CACNA1D: variants seen among roughly 807,000 people sequenced by gnomAD.
CACNA1D encodes voltage-dependent L-type calcium channel subunit alpha-1D.
Under a neutral mutation model 257.1 loss-of-function variants are expected in CACNA1D, and 55 were observed. The ratio of observed to expected loss-of-function variants is 0.21; its 90% CI spans 0.17 to 0.27. CACNA1D has a LOEUF of 0.27. CACNA1D is among the 10% of genes least tolerant of loss of function. The pLI is 1.00. For synonymous variants in CACNA1D, 980 were observed against 1,014.9 expected (o/e 0.97, Z 0.65); for missense variants, 1,876 against 2,784.0 (o/e 0.67, Z 7.34).
chr3:53,740,322 G>A lies in CACNA1D; in HGVS notation c.2794G>A (p.Val932Ile), dbSNP rs1189214495. ...CTATGCCTTCACAGCCATCTTTACT[G>A]TTGAGATCCTGTTGAAGGTAATGAA... The part of the protein sequence containing the change: ...FDYAFTAIFT[V>I]EILLKMTTFG... Residue 932 changes from valine (V) to isoleucine (I), a missense_variant, in exon 21 of 48, where the codon GTT becomes ATT. Physicochemically the swap from Val to Ile is conservative, Grantham distance 29. Transcript: ENST00000350061. 1 of 1,610,976 alleles carries A rather than the reference G, an allele frequency of 6.2e-7. No homozygotes were observed. Among genetic ancestry groups the A allele is most frequent in the South Asian group, 1.1e-5 (1 of 91,016 alleles).
chr3:53,584,810 G>T (rs1250652478), intron 3 of CACNA1D, among the ~76,000 whole-genome samples: 2 of 149,908 alleles, frequency 1.3e-5, no homozygotes, highest in Non-Finnish European at 3.0e-5. Flanking sequence ...TGTCTGCAGG[G>T]CACACCAGCC....
rs139690709 is a variant in CACNA1D at position 53,690,954 on chromosome 3, C to T, written c.1221-11687C>T. Reference sequence around the variant, plus strand: ...AGCCAGACTTCATGTGCACATCTTCCTTATTTTTTCTTGAAAAACTGGAAT... The same window carrying T: ...AGCCAGACTTCATGTGCACATCTTCTTTATTTTTTCTTGAAAAACTGGAAT... On this transcript the variant is annotated intron_variant, in intron 8 of 47. Coordinates refer to ENST00000350061, the MANE Select transcript of CACNA1D (RefSeq NM_001128840.3). Among the ~76,000 whole-genome samples, 717 of 152,252 alleles carry T rather than the reference C, an allele frequency of 4.7e-3. 8 individuals carry two copies. Among genetic ancestry groups the T allele is most frequent in the African/African-American group, 0.017 (693 of 41,554 alleles).
At chr3:53,635,083 T>C (rs1332085645) in intron 3 of CACNA1D, among the ~76,000 whole-genome samples, 1 of 152,216 alleles carries the variant, frequency 6.6e-6, no homozygotes, top group African/African-American at 2.4e-5. Context: ...TTCTCCTATA[T>C]TGAGCACCTT....
chr3:53,700,874 T>TTTTTTA (rs1341401571), intron 8 of CACNA1D, among the ~76,000 whole-genome samples: 1 of 151,834 alleles, frequency 6.6e-6, no homozygotes, highest in Non-Finnish European at 1.5e-5. Flanking sequence ...TCTTTCTTTC[T>TTTTTTA]TTTTTATTTT....
intron 3 of CACNA1D, among the ~76,000 whole-genome samples, chr3:53,566,487 C>T (rs2092839656): frequency 6.6e-6 from 1 of 152,174 alleles, no homozygotes; most frequent in South Asian, 2.1e-4. Context: ...TCATCTCTGC[C>T]AGCCCTCCCT....
intron 43 of CACNA1D, among the ~76,000 whole-genome samples, chr3:53,803,037 AGCTGG>A (rs1472927805): frequency 6.6e-6 from 1 of 152,070 alleles, no homozygotes; most frequent in Non-Finnish European, 1.5e-5. Flanking sequence ...ACTGGGCTGG[AGCTGG>A]GGGACTAGAA....
At chr3:53,532,505 G>T (rs989563093) in intron 3 of CACNA1D, among the ~76,000 whole-genome samples, 1 of 152,192 alleles carries the variant, frequency 6.6e-6, no homozygotes, top group African/African-American at 2.4e-5. Flanking sequence ...TACCAAGTGG[G>T]CACTTCACAA....
chr3:53,562,302 T>TA (rs370711088), intron 3 of CACNA1D, among the ~76,000 whole-genome samples: 40 of 152,286 alleles, frequency 2.6e-4, no homozygotes, highest in African/African-American at 9.6e-4. Flanking sequence ...CTGTGCTGAG[T>TA]AAAATAGTAG....
At position 53,591,209 on chromosome 3, in the gene CACNA1D, A is replaced by G. The variant is rs118141651; in HGVS notation, c.484-59570A>G. The stretch of plus-strand genomic sequence containing the variant: ...TACTCTAATTCTTTCCTTGAATCCA[A>G]TGTTCTGTTCACCTCCTCCTTTATA... On this transcript the variant is annotated intron_variant, in intron 3 of 47. Coordinates refer to ENST00000350061, the MANE Select transcript of CACNA1D (RefSeq NM_001128840.3). 4.4e-4 allele frequency among the ~76,000 whole-genome samples: 67 copies of G among 151,766 alleles called. 4 individuals carry two copies. The East Asian group carries it at 0.012, about 28-fold the overall frequency.
intron 8 of CACNA1D, among the ~76,000 whole-genome samples, chr3:53,689,244 A>G (rs950292052): frequency 2.0e-5 from 3 of 152,040 alleles, no homozygotes; most frequent in Admixed American, 6.5e-5. Flanking sequence ...TGCCTGTCGG[A>G]ACCAGTGAGT....
At chr3:53,691,518 C>A (rs1246033450) in intron 8 of CACNA1D, among the ~76,000 whole-genome samples, 4 of 150,814 alleles carry the variant, frequency 2.7e-5, no homozygotes, top group African/African-American at 9.8e-5. Flanking sequence ...CTACTGGAAG[C>A]ATTGGCATGT....
At chr3:53,679,223 C>CTGCACCAT (rs1405771542) in intron 8 of CACNA1D, 7 of 121,936 alleles carry the variant, frequency 5.7e-5, no homozygotes, top group Admixed American at 5.6e-4. Context: ...TGAGCCAAGA[C>CTGCACCAT]TGCACCATTG....
At chr3:53,571,985 C>G (rs2092953391) in intron 3 of CACNA1D, among the ~76,000 whole-genome samples, 1 of 152,200 alleles carries the variant, frequency 6.6e-6, no homozygotes, top group Non-Finnish European at 1.5e-5. Flanking sequence ...AGACATTACC[C>G]TGGTTTTACA....
chr3:53,563,715 C>T (rs570455210), intron 3 of CACNA1D, among the ~76,000 whole-genome samples: 10 of 152,192 alleles, frequency 6.6e-5, no homozygotes, highest in African/African-American at 9.6e-5. Context: ...TTAGATTTAT[C>T]GGTAATTCAT....
Position 53,804,541 on chromosome 3 carries a change from C to T in CACNA1D, c.5586-442C>T, listed in dbSNP as rs117466749. Among the ~76,000 whole-genome samples the T allele has an allele frequency of 8.1e-3, 1,237 of 152,336 alleles. 13 individuals are homozygous for T. The highest frequency in any genetic ancestry group is 0.066 in the East Asian group (342 of 5,174). On this transcript the variant is annotated intron_variant, in intron 44 of 47. Coordinates refer to ENST00000350061, the MANE Select transcript of CACNA1D (RefSeq NM_001128840.3). ...ACGAACCGCATGAGTTCCTCTCTTC[C>T]AGCACTGGCCCTTTCCAGCTCGCAT... is the stretch of plus-strand genomic sequence containing the variant.
At chr3:53,696,162 C>T (rs2094571335) in intron 8 of CACNA1D, among the ~76,000 whole-genome samples, 3 of 152,154 alleles carry the variant, frequency 2.0e-5, no homozygotes, top group Admixed American at 2.0e-4. Flanking sequence ...GAGATGGGGT[C>T]TCACTCTGTT....
intron 37 of CACNA1D, among the ~76,000 whole-genome samples, chr3:53,777,698 C>A (rs1234529473): frequency 6.6e-6 from 1 of 152,092 alleles, no homozygotes; most frequent in African/African-American, 2.4e-5. Flanking sequence ...AAATGGGGCC[C>A]CTTTGCTGGC....
intron 3 of CACNA1D, among the ~76,000 whole-genome samples, chr3:53,599,209 C>T (rs1320224288): frequency 6.6e-6 from 1 of 152,050 alleles, no homozygotes; most frequent in Non-Finnish European, 1.5e-5. Flanking sequence ...AATTTTGAAA[C>T]ATATAGGAAC....
chr3:53,735,592 CA>C (rs2095049902), intron 20 of CACNA1D, 89 bp downstream of exon 20: 1 of 1,435,540 alleles, frequency 7.0e-7, no homozygotes, highest in Non-Finnish European at 9.7e-7. Context: ...TGGAGGCCCT[CA>C]AGGTGACAGC....
Sources: gnomAD v4.1 joint callset for allele counts (sites outside exome capture counted in the v4.1 genomes callset) on GRCh38, gnomAD v4.1.1 for gene constraint, MANE v1.5 for transcripts, NCBI Gene and HGNC (gene_info 2026-07-23, HGNC 2026-07-21) for gene names.